Variants in LIMCH1 observed in about 807,000 individuals in gnomAD.
The protein encoded by LIMCH1 is LIM and calponin homology domains 1.
Under a neutral mutation model 176.5 loss-of-function variants are expected in LIMCH1, and 113 were observed. The ratio of observed to expected loss-of-function variants is 0.64; its 90% CI spans 0.55 to 0.75. The LOEUF (loss-of-function observed/expected upper bound fraction) is 0.75, where lower values mean the gene tolerates loss of function less well. Among genes scored for constraint, LIMCH1 ranks in the 30% least tolerant of loss-of-function variants. The probability of loss-of-function intolerance (pLI) is 0.00; values close to 1 mark genes in which losing one functional copy is unlikely to be tolerated. For missense variants in LIMCH1, 1,674 were observed against 1,814.9 expected, an observed-to-expected ratio of 0.92 and a Z score of 1.41; for synonymous variants, 619 against 645.9, an observed-to-expected ratio of 0.96 and a Z score of 0.63.
intron 4 of LIMCH1, among the ~76,000 whole-genome samples, chr4:41,606,755 T>C (rs1385307806): frequency 6.6e-6 from 1 of 152,198 alleles, no homozygotes; most frequent in Non-Finnish European, 1.5e-5. Flanking sequence ...CCCGCCTTAG[T>C]GTACAGGTAA....
chr4:41,638,442 A>C (rs550349063), intron 13 of LIMCH1, among the ~76,000 whole-genome samples: 1 of 152,062 alleles, frequency 6.6e-6, no homozygotes, highest in East Asian at 1.9e-4. Context: ...CTGCAGAAAC[A>C]CTCTTTGATG....
intron 2 of LIMCH1, among the ~76,000 whole-genome samples, chr4:41,496,832 C>T (rs1245360634): frequency 6.6e-6 from 1 of 152,076 alleles, no homozygotes; most frequent in East Asian, 1.9e-4. Context: ...TTGAAGGCTC[C>T]CAGACAGTGG....
At chr4:41,569,111 A>G (rs2083172903) in intron 1 of LIMCH1, among the ~76,000 whole-genome samples, 1 of 152,204 alleles carries the variant, frequency 6.6e-6, no homozygotes, top group African/African-American at 2.4e-5. Flanking sequence ...CAGCATAGAT[A>G]TTGTTTAATA....
intron 1 of LIMCH1, among the ~76,000 whole-genome samples, chr4:41,460,544 T>G (rs2065235389): frequency 6.7e-6 from 1 of 149,990 alleles, no homozygotes; most frequent in African/African-American, 2.5e-5. Flanking sequence ...TGTTTGTCAG[T>G]TTTAAGTAGA....
At chr4:41,606,807 T>G (rs1394432821) in intron 4 of LIMCH1, among the ~76,000 whole-genome samples, 1 of 152,144 alleles carries the variant, frequency 6.6e-6, no homozygotes, top group East Asian at 1.9e-4. Flanking sequence ...TTTAATTATT[T>G]TATTTTTTTG....
chr4:41,491,683 T>TCCC (rs1465542123), intron 1 of LIMCH1, among the ~76,000 whole-genome samples: 3 of 118,780 alleles, frequency 2.5e-5, no homozygotes, highest in Non-Finnish European at 3.4e-5. Flanking sequence ...CCTCACTTCC[T>TCCC]AGATGGGGTG....
At position 41,396,045 on chromosome 4, in the gene LIMCH1, G is replaced by A. The variant is rs541550608; in HGVS notation, c.96+35109G>A. 3.9e-5 allele frequency among the ~76,000 whole-genome samples: 6 copies of A among 152,314 alleles called. No individual in the cohort carries two copies. In the East Asian group the frequency reaches 7.7e-4, roughly 20 times the overall value. Reference sequence around the variant, plus strand: ...AGAACACCTGGGAGAAGAGCTCCCCGGTAATGGGAACAACAAGGGGAGCCA... The same window carrying A: ...AGAACACCTGGGAGAAGAGCTCCCCAGTAATGGGAACAACAAGGGGAGCCA... On this transcript the variant is annotated intron_variant, in intron 1 of 26. Transcript: ENST00000313860.
intron 1 of LIMCH1, among the ~76,000 whole-genome samples, chr4:41,558,035 G>T (rs1276173933): frequency 1.6e-4 from 24 of 152,072 alleles, no homozygotes; most frequent in Non-Finnish European, 1.5e-5. Flanking sequence ...GCCTGGTGAT[G>T]ATGGTGTTTC....
intron 27 of LIMCH1, 91 bp from the exon 28 acceptor site, chr4:41,685,619 A>T: frequency 6.7e-7 from 1 of 1,493,464 alleles, no homozygotes; most frequent in Non-Finnish European, 9.2e-7. Flanking sequence ...ATAAAACCTC[A>T]ACAGGCATTA....
chr4:41,554,730 T>C (rs2081009028), intron 1 of LIMCH1, among the ~76,000 whole-genome samples: 1 of 152,204 alleles, frequency 6.6e-6, no homozygotes, highest in African/African-American at 2.4e-5. Flanking sequence ...AAAAAAAATT[T>C]TTGTCTTTCA....
At chr4:41,562,388 T>C (rs939510220) in intron 1 of LIMCH1, among the ~76,000 whole-genome samples, 2 of 152,098 alleles carry the variant, frequency 1.3e-5, no homozygotes, top group African/African-American at 4.8e-5. Flanking sequence ...TTTGAAGAAG[T>C]CTGAGAGAAT....
chr4:41,644,662 G>A, intron 15 of LIMCH1, 36 bp downstream of exon 15: 1 of 1,579,304 alleles, frequency 6.3e-7, no homozygotes, highest in Non-Finnish European at 8.6e-7. Flanking sequence ...CAGCGGGGAG[G>A]CTTCTGGCAG....
intron 22 of LIMCH1, among the ~76,000 whole-genome samples, chr4:41,676,125 C>T (rs564197620): frequency 3.0e-4 from 45 of 152,334 alleles, no homozygotes; most frequent in African/African-American, 1.0e-3. Flanking sequence ...CTTCCAATGC[C>T]AGTGGCTAAT....
At chr4:41,657,671 T>G (rs927222717) in intron 18 of LIMCH1, among the ~76,000 whole-genome samples, 1 of 152,262 alleles carries the variant, frequency 6.6e-6, no homozygotes, top group Non-Finnish European at 1.5e-5. Flanking sequence ...TTGCTAGCAG[T>G]AGCCAGATTT....
At chr4:41,558,926 C>T (rs2081677799) in intron 1 of LIMCH1, among the ~76,000 whole-genome samples, 1 of 152,040 alleles carries the variant, frequency 6.6e-6, no homozygotes, top group Non-Finnish European at 1.5e-5. Context: ...ATGTCTTCAC[C>T]ATCTGAGATT....
intron 1 of LIMCH1, among the ~76,000 whole-genome samples, chr4:41,597,345 T>C (rs1342981350): frequency 2.0e-5 from 3 of 152,210 alleles, no homozygotes; most frequent in Non-Finnish European, 4.4e-5. Flanking sequence ...AGTGAATATA[T>C]GTAAAGTTCT....
chr4:41,636,863 AC>A (rs2093615767), intron 13 of LIMCH1, among the ~76,000 whole-genome samples: 1 of 152,254 alleles, frequency 6.6e-6, no homozygotes, highest in African/African-American at 2.4e-5. Flanking sequence ...TTTACGTAGT[AC>A]AAATCACTCA....
chr4:41,448,173 G>A (rs1282914038), intron 1 of LIMCH1, among the ~76,000 whole-genome samples: 2 of 152,188 alleles, frequency 1.3e-5, no homozygotes, highest in Admixed American at 1.3e-4. Context: ...TTGCATTATT[G>A]CTCTCTCTTG....
intron 1 of LIMCH1, among the ~76,000 whole-genome samples, chr4:41,450,878 A>C (rs2063797806): frequency 6.6e-6 from 1 of 151,526 alleles, no homozygotes; most frequent in Non-Finnish European, 1.5e-5. Context: ...AATTTGTCTA[A>C]GATTGTCCTT....
Sources: allele counts gnomAD v4.1 joint callset (sites outside exome capture counted in the v4.1 genomes callset), GRCh38; gene constraint gnomAD v4.1.1; transcripts MANE v1.5; gene names NCBI Gene and HGNC (gene_info 2026-07-23, HGNC 2026-07-21).